PTPRT: variants seen among roughly 807,000 people sequenced by gnomAD.
PTPRT encodes the protein receptor-type tyrosine-protein phosphatase T.
Under a neutral mutation model 176.8 loss-of-function variants are expected in PTPRT, and 56 were observed. That is an observed-to-expected ratio of 0.32 (90% CI 0.26 to 0.40). The LOEUF is 0.40. Among genes scored for constraint, PTPRT ranks in the 10% least tolerant of loss-of-function variants. The probability of loss-of-function intolerance (pLI) is 1.00; values close to 1 mark genes in which losing one functional copy is unlikely to be tolerated. For synonymous variants in PTPRT, 783 were observed against 739.0 expected (o/e 1.06, Z -0.96); for missense variants, 1,540 against 1,908.2 (o/e 0.81, Z 3.60).
At chr20:42,606,479 G>T (rs950035206) in intron 7 of PTPRT, among the ~76,000 whole-genome samples, 12 of 152,174 alleles carry the variant, frequency 7.9e-5, no homozygotes, top group African/African-American at 2.9e-4. Context: ...GGCCCTGGGG[G>T]AATGACAGCC....
At chr20:42,897,247 T>C (rs1482894213) in intron 1 of PTPRT, among the ~76,000 whole-genome samples, 4 of 152,244 alleles carry the variant, frequency 2.6e-5, no homozygotes, top group Admixed American at 2.0e-4. Context: ...AATAAGATGA[T>C]GTCTCTCTGA....
chr20:42,209,614 G>C (rs935873992), intron 15 of PTPRT, among the ~76,000 whole-genome samples: 1 of 151,838 alleles, frequency 6.6e-6, no homozygotes, highest in African/African-American at 2.4e-5. Context: ...TTGAATCTCT[G>C]AATAGACCAA....
chr20:42,871,352 T>C (rs2078843445), intron 2 of PTPRT, among the ~76,000 whole-genome samples: 1 of 152,146 alleles, frequency 6.6e-6, no homozygotes, highest in South Asian at 2.1e-4. Context: ...TGTTTTGTTA[T>C]TGTTGAGTGG....
chr20:42,353,308 T>A (rs1200545156), intron 9 of PTPRT, among the ~76,000 whole-genome samples: 1 of 152,226 alleles, frequency 6.6e-6, no homozygotes. Context: ...TCGTGCATTA[T>A]CTTTTTTGTC....
chr20:42,572,100 C>T (rs1397220086), intron 7 of PTPRT, among the ~76,000 whole-genome samples: 1 of 152,158 alleles, frequency 6.6e-6, no homozygotes, highest in Non-Finnish European at 1.5e-5. Context: ...GGGTCTGTTC[C>T]TCATAGATGG....
At chr20:42,161,809 G>A (rs533578234) in intron 16 of PTPRT, among the ~76,000 whole-genome samples, 21 of 152,110 alleles carry the variant, frequency 1.4e-4, no homozygotes, top group Non-Finnish European at 2.1e-4. Flanking sequence ...CATCATCCCC[G>A]TCTGTCTCAG....
Position 42,350,351 on chromosome 20 carries a change from C to G in PTPRT, c.1865+277G>C, listed in dbSNP as rs191337863. Among the ~76,000 whole-genome samples, 454 of 151,406 alleles carry G rather than the reference C, an allele frequency of 3.0e-3. 1 individual carries two copies. Among genetic ancestry groups the G allele is most frequent in the Middle Eastern group, 6.9e-3 (2 of 288 alleles). On this transcript the variant is annotated intron_variant, in intron 11 of 30. Transcript: ENST00000373187. ...CCAAGCAATCTTTCCATATCATCCT[C>G]TCGAGTAGCCGGTACTACAGGCGTG...
At chr20:43,161,120 C>G (rs1227759633) in intron 1 of PTPRT, among the ~76,000 whole-genome samples, 2 of 152,142 alleles carry the variant, frequency 1.3e-5, no homozygotes, top group Non-Finnish European at 2.9e-5. Flanking sequence ...CCAGAGGGGG[C>G]CAGCTGTCTG....
intron 7 of PTPRT, among the ~76,000 whole-genome samples, chr20:42,588,165 C>T (rs528526652): frequency 5.9e-5 from 9 of 152,236 alleles, no homozygotes; most frequent in South Asian, 4.1e-4. Context: ...CTGGTACAGC[C>T]GGGCACAGTG....
chr20:42,320,732 A>C (rs2867030), intron 11 of PTPRT, among the ~76,000 whole-genome samples: 55,719 of 151,966 alleles, frequency 0.37, 11,289 homozygotes, highest in African/African-American at 0.56. Context: ...TCTCATAGGG[A>C]GCTCTGGAGC....
intron 15 of PTPRT, among the ~76,000 whole-genome samples, chr20:42,203,439 C>T (rs1305315904): frequency 1.3e-5 from 2 of 152,168 alleles, no homozygotes; most frequent in African/African-American, 4.8e-5. Flanking sequence ...TTATCCTCCC[C>T]TTTCAGAAAA....
chr20:42,099,354 GA>G (rs974679483), intron 26 of PTPRT, among the ~76,000 whole-genome samples: 61 of 152,080 alleles, frequency 4.0e-4, no homozygotes, highest in South Asian at 2.1e-4. Flanking sequence ...ATTTACGTGT[GA>G]AAAGGCCAGC....
chr20:42,033,548 A>C, the PTPRT span, among the ~76,000 whole-genome samples: 1 of 152,120 alleles, frequency 6.6e-6, no homozygotes, highest in Non-Finnish European at 1.5e-5. Context: ...CACAGCCTGT[A>C]AAAGGCTCCT....
chr20:42,690,924 C>T (rs1161659005), intron 6 of PTPRT, among the ~76,000 whole-genome samples: 9 of 152,118 alleles, frequency 5.9e-5, no homozygotes, highest in Admixed American at 2.6e-4. Context: ...CCTACATAAA[C>T]GTGAGTTATT....
intron 7 of PTPRT, among the ~76,000 whole-genome samples, chr20:42,596,830 G>T (rs1036186127): frequency 6.6e-6 from 1 of 152,216 alleles, no homozygotes; most frequent in African/African-American, 2.4e-5. Context: ...GCAACAGCAG[G>T]TGTTGACAAA....
At chr20:42,351,102 T>A (rs1272459824) in intron 10 of PTPRT, among the ~76,000 whole-genome samples, 2 of 134,486 alleles carry the variant, frequency 1.5e-5, no homozygotes, top group African/African-American at 5.2e-5. Context: ...TATGAACTAC[T>A]TCCCCTCTAC....
intron 2 of PTPRT, among the ~76,000 whole-genome samples, chr20:42,833,688 G>A (rs2145701304): frequency 6.6e-6 from 1 of 152,242 alleles, no homozygotes; most frequent in Non-Finnish European, 1.5e-5. Flanking sequence ...ATTGTGAAGG[G>A]AAATCAGAAG....
chr20:43,169,231 C>T (rs1333702749), intron 1 of PTPRT, among the ~76,000 whole-genome samples: 3 of 152,186 alleles, frequency 2.0e-5, no homozygotes, highest in Non-Finnish European at 2.9e-5. Context: ...AGAGTCACTG[C>T]GATTAGGGCA....
chr20:42,703,762 T>C (rs2076009583), intron 6 of PTPRT, among the ~76,000 whole-genome samples: 1 of 152,166 alleles, frequency 6.6e-6, no homozygotes, highest in Non-Finnish European at 1.5e-5. Flanking sequence ...CACGTGTGCC[T>C]TAGAGAGCTT....
Sources: allele counts gnomAD v4.1 joint callset (sites outside exome capture counted in the v4.1 genomes callset), GRCh38; gene constraint gnomAD v4.1.1; transcripts MANE v1.5; gene names NCBI Gene and HGNC (gene_info 2026-07-23, HGNC 2026-07-21).